Variants in CNTNAP2 observed in about 807,000 individuals in gnomAD.
CNTNAP2 encodes the protein contactin associated protein 2.
CNTNAP2 carries 98 observed loss-of-function variants against 155.2 expected under a neutral mutation model. The observed-to-expected ratio is 0.63, with a 90% CI of 0.54 to 0.75. The LOEUF is 0.75. CNTNAP2 is among the 30% of genes least tolerant of loss of function. The pLI, the probability that CNTNAP2 is intolerant of heterozygous loss-of-function variation, is 0.00. For synonymous variants in CNTNAP2, 651 were observed against 631.2 expected, an observed-to-expected ratio of 1.03 and a Z score of -0.47; for missense variants, 1,727 against 1,688.1, an observed-to-expected ratio of 1.02 and a Z score of -0.40.
chr7:146,557,488 A>C (rs887472992), intron 1 of CNTNAP2, among the ~76,000 whole-genome samples: 7 of 152,058 alleles, frequency 4.6e-5, no homozygotes, highest in Non-Finnish European at 8.8e-5. Flanking sequence ...GTATACAGTT[A>C]AGTGCATATA....
At chr7:146,474,385 T>C (rs1322085765) in intron 1 of CNTNAP2, among the ~76,000 whole-genome samples, 1 of 149,618 alleles carries the variant, frequency 6.7e-6, no homozygotes, top group African/African-American at 2.5e-5. Context: ...TTTTCCAGAA[T>C]CCCTTCTTAT....
intron 2 of CNTNAP2, among the ~76,000 whole-genome samples, chr7:146,814,903 C>T (rs1197063102): frequency 6.6e-6 from 1 of 152,022 alleles, no homozygotes; most frequent in African/African-American, 2.4e-5. Flanking sequence ...ATCAGTAAGA[C>T]ACGAATGTAA....
chr7:146,911,786 C>T (rs1365008295), intron 3 of CNTNAP2, among the ~76,000 whole-genome samples: 8 of 151,730 alleles, frequency 5.3e-5, no homozygotes, highest in Non-Finnish European at 8.8e-5. Flanking sequence ...TGCACATGTA[C>T]CCTAAAACTT....
chr7:146,912,810 A>G (rs1796312363), intron 3 of CNTNAP2, among the ~76,000 whole-genome samples: 1 of 152,140 alleles, frequency 6.6e-6, no homozygotes, highest in Admixed American at 6.6e-5. Context: ...GCCCTAAGCC[A>G]ATTACTGTGC....
chr7:147,609,004 T>G (rs1378554779), intron 12 of CNTNAP2, among the ~76,000 whole-genome samples: 1 of 152,162 alleles, frequency 6.6e-6, no homozygotes, highest in Admixed American at 6.5e-5. Context: ...CCATTTTCAC[T>G]TCTTTTGTGA....
chr7:147,317,710 T>C (rs767055322), intron 9 of CNTNAP2, among the ~76,000 whole-genome samples: 1 of 152,052 alleles, frequency 6.6e-6, no homozygotes, highest in African/African-American at 2.4e-5. Context: ...ATTAGGGAGA[T>C]TATTTGTTTA....
chr7:147,637,092 G>C (rs1476114935), intron 12 of CNTNAP2, among the ~76,000 whole-genome samples: 4 of 152,170 alleles, frequency 2.6e-5, no homozygotes, highest in Non-Finnish European at 5.9e-5. Flanking sequence ...GAGGAGCCAG[G>C]TCACGGAGGG....
chr7:146,532,642 C>T (rs570085754), intron 1 of CNTNAP2, among the ~76,000 whole-genome samples: 68 of 152,202 alleles, frequency 4.5e-4, no homozygotes, highest in African/African-American at 1.6e-3. Context: ...TAGCTTAATT[C>T]TATATGGAAG....
rs188743834 is a variant in CNTNAP2 at position 146,897,013 on chromosome 7, C to T, written c.402+57109C>T. On this transcript the variant is annotated intron_variant, in intron 3 of 23. Transcript: ENST00000361727. ...TCATACAAAACTGAATGATGTCTGA[C>T]AGAGAAACCGTATTTCTCTGCATAT... 2.9e-4 allele frequency among the ~76,000 whole-genome samples: 44 copies of T among 152,162 alleles called. No individual in the cohort carries two copies. In the East Asian group the frequency reaches 5.6e-3, roughly 19 times the overall value.
chr7:147,852,493 ATCCATTC>A (rs1344406796), intron 13 of CNTNAP2, among the ~76,000 whole-genome samples: 1 of 152,172 alleles, frequency 6.6e-6, no homozygotes, highest in Non-Finnish European at 1.5e-5. Context: ...AAAATTTCAG[ATCCATTC>A]AAAATTTCAA....
In CNTNAP2 at chr7:146,461,520, T is replaced by C. The variant is rs900678336; in HGVS notation, c.98-312751T>C. Reference sequence around the variant, plus strand: ...TTTTAGTAGCATTTGTTTATTGCTTTGCAAAAATCTTTAAATTTTTAAAAT... The same window carrying C: ...TTTTAGTAGCATTTGTTTATTGCTTCGCAAAAATCTTTAAATTTTTAAAAT... On this transcript the variant is annotated intron_variant, in intron 1 of 23. Coordinates refer to ENST00000361727, the MANE Select transcript of CNTNAP2 (RefSeq NM_014141.6). Among the ~76,000 whole-genome samples the C allele has an allele frequency of 3.3e-5, 5 of 152,230 alleles. No homozygotes were observed. In the East Asian group the frequency reaches 9.6e-4, roughly 29 times the overall value.
rs139172500 is a variant in CNTNAP2, at chr7:146,182,989, T to C, written c.97+66016T>C. Among the ~76,000 whole-genome samples the C allele has an allele frequency of 3.4e-3, 514 of 152,320 alleles. 1 individual carries two copies. Among genetic ancestry groups the C allele is most frequent in the African/African-American group, 0.012 (497 of 41,572 alleles). On this transcript the variant is annotated intron_variant, in intron 1 of 23. Coordinates refer to ENST00000361727, the MANE Select transcript of CNTNAP2 (RefSeq NM_014141.6). Reference sequence around the variant, plus strand: ...TCGTATTTCTTGTTCCTTTATTTTATACATTACCATTTAATTCTATTAAAA... The same window carrying C: ...TCGTATTTCTTGTTCCTTTATTTTACACATTACCATTTAATTCTATTAAAA...
chr7:147,329,543 G>T (rs746518868), intron 9 of CNTNAP2, among the ~76,000 whole-genome samples: 10 of 152,062 alleles, frequency 6.6e-5, no homozygotes, highest in Non-Finnish European at 1.5e-4. Flanking sequence ...AGATACGATT[G>T]CCAGAATCCT....
At chr7:148,311,390 G>A (rs912860348) in intron 21 of CNTNAP2, among the ~76,000 whole-genome samples, 1 of 144,010 alleles carries the variant, frequency 6.9e-6, no homozygotes, top group African/African-American at 3.0e-5. Flanking sequence ...AGGAGAGAAT[G>A]AGTAAGGTTG....
At position 148,247,405 on chromosome 7, in the gene CNTNAP2, A is replaced by T. The variant is rs977953838; in HGVS notation, c.3381+17626A>T. On this transcript the variant is annotated intron_variant, in intron 20 of 23. Coordinates refer to ENST00000361727, the MANE Select transcript of CNTNAP2 (RefSeq NM_014141.6). ...AAACCCGTCTTGCTTACTCCAGGGCATTGCTGAGCAGTTCTCTGTCTTCGT... is the reference window on the plus strand; with the variant it reads ...AAACCCGTCTTGCTTACTCCAGGGCTTTGCTGAGCAGTTCTCTGTCTTCGT... Among the ~76,000 whole-genome samples, 12 of 152,084 alleles carry T rather than the reference A, an allele frequency of 7.9e-5. No individual in the cohort carries two copies. The East Asian group carries it at 2.3e-3, about 29-fold the overall frequency.
chr7:147,049,133 C>T (rs1799422838), intron 4 of CNTNAP2, among the ~76,000 whole-genome samples: 1 of 152,180 alleles, frequency 6.6e-6, no homozygotes, highest in Non-Finnish European at 1.5e-5. Flanking sequence ...CCCTCGTGAC[C>T]TACTCATGTC....
chr7:147,959,147 T>G (rs1188306094), intron 14 of CNTNAP2, among the ~76,000 whole-genome samples: 2 of 152,220 alleles, frequency 1.3e-5, no homozygotes, highest in Non-Finnish European at 2.9e-5. Flanking sequence ...TCCCTCTGAA[T>G]TAGCAATCTT....
chr7:147,145,134 G>C (rs1051166377), intron 8 of CNTNAP2, among the ~76,000 whole-genome samples: 1 of 152,106 alleles, frequency 6.6e-6, no homozygotes, highest in Non-Finnish European at 1.5e-5. Context: ...CATATTAACT[G>C]TTAAGCAACA....
At chr7:146,938,657 G>T (rs1446500116) in intron 3 of CNTNAP2, among the ~76,000 whole-genome samples, 1 of 151,668 alleles carries the variant, frequency 6.6e-6, no homozygotes, top group African/African-American at 2.4e-5. Context: ...TATTCTGATT[G>T]CCATGTAAAA....
Sources: allele counts gnomAD v4.1 joint callset (sites outside exome capture counted in the v4.1 genomes callset), GRCh38; gene constraint gnomAD v4.1.1; transcripts MANE v1.5; gene names NCBI Gene and HGNC (gene_info 2026-07-23, HGNC 2026-07-21).